RAD50: variants seen among roughly 807,000 people sequenced by gnomAD.
RAD50 encodes DNA repair protein RAD50.
In RAD50, 132 loss-of-function variants were observed where a neutral mutation model predicts 168.8. The observed-to-expected ratio is 0.78, with a 90% CI of 0.68 to 0.90. The LOEUF (loss-of-function observed/expected upper bound fraction) is 0.90, where lower values mean the gene tolerates loss of function less well. RAD50 is among the 40% of genes least tolerant of loss of function. RAD50 has a pLI of 0.00. For synonymous variants in RAD50, 525 were observed against 497.4 expected (o/e 1.06, Z -0.74); for missense variants, 1,347 against 1,534.4 (o/e 0.88, Z 2.04).
Position 132,604,857 on chromosome 5 carries a change from A to T in RAD50, c.2576A>T (p.Gln859Leu). The T allele has an allele frequency of 6.2e-7, 1 of 1,613,696 alleles. No homozygotes were observed. Among genetic ancestry groups the T allele is most frequent in the Admixed American group, 1.7e-5 (1 of 59,998 alleles). ...NRKLIQDQQE[Q>L]IQHLKSTTNE... ...AAGCTTATACAGGACCAGCAGGAAC[A>T]GATTCAACATCTAAAAAGTACAACA... Residue 859 changes from glutamine to leucine, a missense_variant, in exon 16 of 25, where the codon CAG becomes CTG. Gln to Leu is a moderately radical substitution (Grantham distance 113). Transcript: ENST00000378823.
intron 11 of RAD50, chr5:132,592,620 C>T (rs1750723029): frequency 3.8e-6 from 1 of 265,334 alleles, no homozygotes; most frequent in African/African-American, 2.2e-5. Flanking sequence ...TTTCTTCGGC[C>T]CTCCAGAAAG....
Position 132,643,206 on chromosome 5 carries a change from G to C in RAD50, c.*842G>C, listed in dbSNP as rs1751773292. The C allele has an allele frequency of 2.8e-6, 1 of 362,764 alleles. No individual in the cohort carries two copies. 22.5% of individuals were successfully genotyped at this position (362,764 alleles called of 1,614,324 possible). A position where few individuals can be genotyped will look rare whatever the true frequency, so the allele number is the denominator to read the frequency against. On this transcript the variant is annotated 3_prime_UTR_variant, in exon 25 of 25. Coordinates refer to ENST00000378823, the MANE Select transcript of RAD50 (RefSeq NM_005732.4). ...TCTAAGTGGGCATTGCCATGTGGAA[G>C]GCAAGCCAGGCTCACTCACAGAGTC... is the stretch of plus-strand genomic sequence containing the variant.
intron 9 of RAD50, among the ~76,000 whole-genome samples, chr5:132,590,535 A>G (rs1226786716): frequency 2.0e-5 from 3 of 152,228 alleles, no homozygotes; most frequent in Non-Finnish European, 4.4e-5. Flanking sequence ...TAGGTCACAC[A>G]CGTTGTAATT....
intron 21 of RAD50, among the ~76,000 whole-genome samples, chr5:132,624,445 G>T (rs1751336554): frequency 6.6e-6 from 1 of 151,988 alleles, no homozygotes; most frequent in Non-Finnish European, 1.5e-5. Context: ...GCCTTTAGGG[G>T]ACTTTTTAGT....
intron 13 of RAD50, among the ~76,000 whole-genome samples, 163 bp from the exon 14 acceptor site, chr5:132,603,137 A>G (rs750303604): frequency 1.3e-5 from 2 of 152,204 alleles, no homozygotes; most frequent in Non-Finnish European, 2.9e-5. Flanking sequence ...GATTAACATC[A>G]TCAGTAATAA....
chr5:132,562,482 G>A (rs1750139990), intron 2 of RAD50, among the ~76,000 whole-genome samples: 2 of 152,144 alleles, frequency 1.3e-5, no homozygotes, highest in South Asian at 2.1e-4. Flanking sequence ...GGATAATGGT[G>A]TATGAAAGAA....
At chr5:132,593,453 G>C (rs962968946) in intron 11 of RAD50, 11 of 152,228 alleles carry the variant, frequency 7.2e-5, no homozygotes, top group African/African-American at 2.7e-4. Flanking sequence ...AATGGTAACG[G>C]ATAGTAATTT....
chr5:132,592,923 C>T (rs1450422601), intron 11 of RAD50: 1 of 469,712 alleles, frequency 2.1e-6, no homozygotes, highest in South Asian at 1.6e-5. Flanking sequence ...GTTTACTCAA[C>T]TTTAATTTTT....
At chr5:132,596,622 G>A (rs907933899) in intron 13 of RAD50, among the ~76,000 whole-genome samples, 3 of 152,216 alleles carry the variant, frequency 2.0e-5, no homozygotes, top group Non-Finnish European at 4.4e-5. Context: ...GGAAATATGT[G>A]ATGATTGCCT....
At chr5:132,589,913 A>G in intron 9 of RAD50, 76 bp downstream of exon 9, 1 of 1,302,668 alleles carries the variant, frequency 7.7e-7, no homozygotes, top group Non-Finnish European at 1.1e-6. Context: ...TTTTGATCCT[A>G]AGATTATAGC....
intron 2 of RAD50, among the ~76,000 whole-genome samples, chr5:132,573,225 C>T (rs1041527146): frequency 2.6e-5 from 4 of 152,180 alleles, no homozygotes; most frequent in African/African-American, 9.7e-5. Flanking sequence ...TCCATTTTCA[C>T]ACTGCTGTTA....
intron 16 of RAD50, 69 bp downstream of exon 16, chr5:132,605,068 A>G (rs944338060): frequency 1.0e-5 from 13 of 1,252,416 alleles, no homozygotes; most frequent in African/African-American, 1.6e-5. Context: ...ATTTTTTGAG[A>G]CAGTCTCGTT....
chr5:132,609,674 C>G (rs975299835), intron 19 of RAD50, among the ~76,000 whole-genome samples: 3 of 151,968 alleles, frequency 2.0e-5, no homozygotes, highest in African/African-American at 7.2e-5. Flanking sequence ...CCCAGCTACT[C>G]GGGAAGCTGA....
intron 20 of RAD50, among the ~76,000 whole-genome samples, chr5:132,617,225 C>T (rs1157252229): frequency 2.6e-5 from 4 of 152,104 alleles, no homozygotes; most frequent in African/African-American, 4.8e-5. Flanking sequence ...ATAATATATT[C>T]GTGGCTACTA....
intron 13 of RAD50, among the ~76,000 whole-genome samples, chr5:132,601,772 T>C (rs1184405176): frequency 6.6e-6 from 1 of 152,136 alleles, no homozygotes; most frequent in Non-Finnish European, 1.5e-5. Context: ...GTGGCACATA[T>C]ACACCATGGA....
chr5:132,607,664 C>CTGAAT (rs1751009457), intron 16 of RAD50, among the ~76,000 whole-genome samples: 1 of 151,936 alleles, frequency 6.6e-6, no homozygotes, highest in South Asian at 2.1e-4. Context: ...CCTCAGCAAC[C>CTGAAT]CTATTTAGAT....
Position 132,643,163 on chromosome 5 carries a change from CATCA to C in RAD50, c.*803_*806del. 2 of 457,716 alleles carry C rather than the reference CATCA, an allele frequency of 4.4e-6. No homozygotes were observed. The highest frequency in any genetic ancestry group is 3.7e-5 in the South Asian group (2 of 54,668). The allele number at this position is 457,716 out of a possible 1,614,324, so 28.4% of individuals were successfully genotyped here. ...ATCCTGTGTAGCATACTGGCTTCAC[CATCA>C]ATCCTGATTCCTCTCTAAGTGGGCA... On this transcript the variant is annotated 3_prime_UTR_variant, in exon 25 of 25. Coordinates refer to ENST00000378823, the MANE Select transcript of RAD50 (RefSeq NM_005732.4).
chr5:132,583,949 G>A (rs1750550791), intron 5 of RAD50, among the ~76,000 whole-genome samples: 1 of 151,902 alleles, frequency 6.6e-6, no homozygotes, highest in Non-Finnish European at 1.5e-5. Context: ...TGCCCACCTC[G>A]GCCTCCCAAA....
chr5:132,613,856 CA>C (rs1308606359), intron 19 of RAD50, among the ~76,000 whole-genome samples: 1 of 152,026 alleles, frequency 6.6e-6, no homozygotes, highest in African/African-American at 2.4e-5. Context: ...CTTGGCCTCC[CA>C]AAGTGCTGGG....
Sources: gnomAD v4.1 joint callset for allele counts (sites outside exome capture counted in the v4.1 genomes callset) on GRCh38, gnomAD v4.1.1 for gene constraint, MANE v1.5 for transcripts, NCBI Gene and HGNC (gene_info 2026-07-23, HGNC 2026-07-21) for gene names.